Variants in PUM3 observed in about 807,000 individuals in gnomAD.
The protein encoded by PUM3 is pumilio RNA binding family member 3.
PUM3 carries 91 observed loss-of-function variants against 84.0 expected under a neutral mutation model. That is an observed-to-expected ratio of 1.08 (90% confidence interval 0.91 to 1.29). The LOEUF (loss-of-function observed/expected upper bound fraction) is 1.29, where lower values mean the gene tolerates loss of function less well. PUM3 is among the 50% of genes most tolerant of loss of function. The pLI, the probability that PUM3 is intolerant of heterozygous loss-of-function variation, is 0.00. For missense variants in PUM3, 1,067 were observed against 767.5 expected (o/e 1.39, Z -4.61); for synonymous variants, 321 against 266.7 (o/e 1.20, Z -1.98).
intron 16 of PUM3, 144 bp downstream of exon 16, chr9:2,810,200 G>A (rs988952336): frequency 1.6e-6 from 1 of 628,066 alleles, no homozygotes; most frequent in Non-Finnish European, 2.8e-6. Flanking sequence ...AGCAACCACT[G>A]AATCATTTCT....
chr9:2,812,223 T>A lies in PUM3; in HGVS notation c.1409A>T (p.His470Leu). The part of the protein sequence containing the change: ...EVLQKGDGNA[H>L]SKKDTEVRRR... ...AAGCCATTCTACTTGGTTTTACCTG[T>A]GTGCATTTCCATCTCCTTTTTGCAG... is the stretch of plus-strand genomic sequence containing the variant. Residue 470 changes from histidine to leucine, a missense_variant, in exon 14 of 18, where the codon CAC (histidine) becomes CTC (leucine). Coordinates refer to ENST00000397885, the MANE Select transcript of PUM3 (RefSeq NM_014878.5). 6.2e-7 allele frequency: 1 copy of A among 1,613,692 alleles called. No homozygotes were observed. The highest frequency in any genetic ancestry group is 8.5e-7 in the Non-Finnish European group (1 of 1,179,638).
chr9:2,822,331 G>A (rs1043197823), intron 12 of PUM3, among the ~76,000 whole-genome samples: 1 of 151,998 alleles, frequency 6.6e-6, no homozygotes, highest in African/African-American at 2.4e-5. Flanking sequence ...TAGACCATAT[G>A]TTAGGCCATA....
At chr9:2,807,788 C>G in intron 17 of PUM3, 26 bp downstream of exon 17, 2 of 1,471,918 alleles carry the variant, frequency 1.4e-6, no homozygotes, top group Non-Finnish European at 1.9e-6. Flanking sequence ...AGGCCCTGCT[C>G]AGAGAAGGGC....
rs746989461 is a variant in PUM3, at chr9:2,824,764, CGT to C, written c.1085_1086del (p.His362ArgfsTer30). On this transcript the variant is annotated frameshift_variant, in exon 11 of 18. Transcript: ENST00000397885. LOFTEE classifies it high-confidence loss of function. ...CAGTGCATGGCCACTCTGGCGCCAT[CGT>C]GTGTGTGTGCCAGGTAGACCACCGC... ...REAVVYLAHT[H>X]DGARVAMHCL... 2.1e-5 allele frequency: 33 copies of C among 1,588,910 alleles called. No individual in the cohort carries two copies. Among genetic ancestry groups the C allele is most frequent in the South Asian group, 4.6e-5 (4 of 87,714 alleles).
chr9:2,811,528 A>T lies in PUM3; in HGVS notation c.1468T>A (p.Leu490Met). 6.2e-7 allele frequency: 1 copy of T among 1,614,172 alleles called. No individual in the cohort carries two copies. The highest frequency in any genetic ancestry group is 1.1e-5 in the South Asian group (1 of 91,082). ...RELLESISPA[L>M]LSYLQEHAQE... ...GCGTGTTCTTGCAGGTAGCTTAACA[A>T]AGCTGGAGAAATGGATTCTAGGAGC... Residue 490 changes from leucine to methionine, a missense_variant, in exon 15 of 18, where the codon TTG (leucine) becomes ATG (methionine). Coordinates refer to ENST00000397885, the MANE Select transcript of PUM3 (RefSeq NM_014878.5).
At chr9:2,818,595 C>A (rs562404379) in intron 13 of PUM3, among the ~76,000 whole-genome samples, 1 of 152,320 alleles carries the variant, frequency 6.6e-6, no homozygotes, top group Non-Finnish European at 1.5e-5. Context: ...AATTCTATGG[C>A]CTCACATCTC....
intron 7 of PUM3, among the ~76,000 whole-genome samples, chr9:2,830,456 C>T (rs1485775300): frequency 6.6e-6 from 1 of 152,180 alleles, no homozygotes; most frequent in Non-Finnish European, 1.5e-5. Context: ...CCCACTGACC[C>T]TCTATCAGTT....
At chr9:2,829,292 C>G (rs1264700688) in intron 8 of PUM3, among the ~76,000 whole-genome samples, 1 of 152,224 alleles carries the variant, frequency 6.6e-6, no homozygotes, top group African/African-American at 2.4e-5. Context: ...TAACTATTCT[C>G]AGATTCAATC....
chr9:2,833,881 G>T, intron 4 of PUM3, 150 bp downstream of exon 4: 2 of 678,672 alleles, frequency 2.9e-6, no homozygotes, highest in Non-Finnish European at 5.0e-6. Flanking sequence ...AGACTTCCAA[G>T]TACTGATGTC....
chr9:2,807,343 C>T (rs1821278733), intron 17 of PUM3, among the ~76,000 whole-genome samples: 1 of 152,024 alleles, frequency 6.6e-6, no homozygotes, highest in African/African-American at 2.4e-5. Flanking sequence ...TGCCTGTAAT[C>T]CCAGCACTTT....
At chr9:2,826,106 T>A (rs1187837312) in intron 10 of PUM3, among the ~76,000 whole-genome samples, 1 of 152,144 alleles carries the variant, frequency 6.6e-6, no homozygotes, top group African/African-American at 2.4e-5. Context: ...AAGGTTTTTT[T>A]TTTTTTAAGT....
chr9:2,826,845 T>C (rs1815836082), intron 10 of PUM3, among the ~76,000 whole-genome samples: 1 of 152,186 alleles, frequency 6.6e-6, no homozygotes, highest in Admixed American at 6.5e-5. Flanking sequence ...AATTAAGATA[T>C]AAAAATTTAA....
chr9:2,833,256 G>A (rs1054115684), intron 5 of PUM3, 101 bp downstream of exon 5: 8 of 553,442 alleles, frequency 1.4e-5, no homozygotes, highest in African/African-American at 3.9e-5. Context: ...CAAATACACC[G>A]GAAACAATGA....
At chr9:2,832,065 C>T (rs1267286309) in intron 5 of PUM3, among the ~76,000 whole-genome samples, 1 of 152,148 alleles carries the variant, frequency 6.6e-6, no homozygotes, top group East Asian at 1.9e-4. Flanking sequence ...CAGTCTACTT[C>T]AAAAGTGCTT....
At chr9:2,835,502 T>A (rs996768766) in intron 3 of PUM3, among the ~76,000 whole-genome samples, 5 of 152,366 alleles carry the variant, frequency 3.3e-5, no homozygotes, top group African/African-American at 1.2e-4. Context: ...AAGAACATAA[T>A]TTTTAATGGC....
chr9:2,833,904 T>C, intron 4 of PUM3, 127 bp downstream of exon 4: 1 of 877,628 alleles, frequency 1.1e-6, no homozygotes, highest in Non-Finnish European at 1.8e-6. Flanking sequence ...TAATGGGGTG[T>C]CATGAGGACC....
chr9:2,843,824 C>T (rs1306647384), intron 1 of PUM3, among the ~76,000 whole-genome samples: 1 of 151,880 alleles, frequency 6.6e-6, no homozygotes, highest in Non-Finnish European at 1.5e-5. Context: ...GTGATCCGCC[C>T]GCCTCGGCCT....
At chr9:2,820,985 T>A (rs370227238) in intron 12 of PUM3, among the ~76,000 whole-genome samples, 1 of 152,216 alleles carries the variant, frequency 6.6e-6, no homozygotes, top group South Asian at 2.1e-4. Flanking sequence ...TGATAGGAAT[T>A]TGATTTTTGA....
intron 8 of PUM3, among the ~76,000 whole-genome samples, chr9:2,829,505 A>G (rs540214838): frequency 4.6e-5 from 7 of 152,364 alleles, no homozygotes; most frequent in South Asian, 2.1e-4. Flanking sequence ...CTGTAAAAAT[A>G]GAAGTATTGA....
Sources: allele counts gnomAD v4.1 joint callset (sites outside exome capture counted in the v4.1 genomes callset), GRCh38; gene constraint gnomAD v4.1.1; transcripts MANE v1.5; gene names NCBI Gene and HGNC (gene_info 2026-07-23, HGNC 2026-07-21).